TLE3: variants seen among roughly 807,000 people sequenced by gnomAD.
TLE3 encodes transducin-like enhancer protein 3.
TLE3 carries 14 observed loss-of-function variants against 93.0 expected under a neutral mutation model. The observed-to-expected ratio is 0.15, with a 90% confidence interval of 0.10 to 0.24. The LOEUF is 0.24. TLE3 is among the 10% of genes least tolerant of loss of function. TLE3 has a pLI of 1.00. For synonymous variants in TLE3, 451 were observed against 425.0 expected, an observed-to-expected ratio of 1.06 and a Z score of -0.75; for missense variants, 693 against 1,046.6, an observed-to-expected ratio of 0.66 and a Z score of 4.66.
intron 13 of TLE3, among the ~76,000 whole-genome samples, chr15:70,056,613 A>C (rs990463900): frequency 6.6e-6 from 1 of 152,164 alleles, no homozygotes; most frequent in African/African-American, 2.4e-5. Flanking sequence ...CCTGTTCTGC[A>C]AGGCAGAGCT....
In TLE3 at chr15:70,066,274, G is replaced by C. The variant is rs1261972041; in HGVS notation, c.373-56C>G. 4 of 1,409,434 alleles carry C rather than the reference G, an allele frequency of 2.8e-6. No individual in the cohort carries two copies. The Admixed American group carries it at 1.2e-4, about 42-fold the overall frequency. 87.3% of individuals were successfully genotyped at this position (1,409,434 alleles called of 1,614,324 possible). On this transcript the variant is annotated intron_variant, in intron 6 of 19. Coordinates refer to ENST00000451782, the MANE Select transcript of TLE3 (RefSeq NM_001105192.3). ...AGTTGGGGAGGGCAGGGGAGGCGTG[G>C]CCACCTCAGGAGGGAGGGAGGGAGT...
At chr15:70,080,292 G>A (rs969296445) in intron 4 of TLE3, among the ~76,000 whole-genome samples, 21 of 152,200 alleles carry the variant, frequency 1.4e-4, no homozygotes, top group African/African-American at 4.6e-4. Flanking sequence ...GAGAGGTGGT[G>A]GGAGGTGGGA....
At chr15:70,051,164 G>C (rs1234043044) in intron 19 of TLE3, 1 of 423,976 alleles carries the variant, frequency 2.4e-6, no homozygotes, top group Admixed American at 4.0e-5. Flanking sequence ...GCCCTCGGGG[G>C]TCAGAAGCCA....
chr15:70,059,266 CCT>C (rs1446504487), intron 10 of TLE3, 142 bp downstream of exon 10: 35 of 973,388 alleles, frequency 3.6e-5, no homozygotes, highest in East Asian at 8.2e-5. Context: ...CTCTTGACCC[CCT>C]GAGACCCCAA....
chr15:70,097,847 CCA>C lies in TLE3; in HGVS notation c.-1051_-1050del, dbSNP rs2058637425. The C allele has an allele frequency of 5.7e-6, 2 of 351,416 alleles. No individual in the cohort carries two copies. Among genetic ancestry groups the C allele is most frequent in the African/African-American group, 2.1e-5 (1 of 47,538 alleles). The allele number at this position is 351,416 out of a possible 1,614,324, so 21.8% of individuals were successfully genotyped here. ...AAAAAGTGCCCCGGACCTACGGATA[CCA>C]CACACAGACAGGCGAAGGGGACGAG... On this transcript the variant is annotated 5_prime_UTR_variant, in exon 1 of 20. Transcript: ENST00000451782.
At chr15:70,075,137 T>G (rs2057376209) in intron 5 of TLE3, among the ~76,000 whole-genome samples, 1 of 152,340 alleles carries the variant, frequency 6.6e-6, no homozygotes, top group East Asian at 1.9e-4. Flanking sequence ...ACAAAGTATG[T>G]TTCCAGATGA....
chr15:70,056,050 T>C (rs1230533014), intron 14 of TLE3: 2 of 582,724 alleles, frequency 3.4e-6, no homozygotes, highest in African/African-American at 3.7e-5. Flanking sequence ...AGTGGCCATG[T>C]ACTTAGCTAA....
rs532829329 is a variant in TLE3 at position 70,054,285 on chromosome 15, G to C, written c.1826+153C>G. The stretch of plus-strand genomic sequence containing the variant: ...CTCTGTCCCTCGCATAAGGCAGGCG[G>C]AGCTGTCTTTTCACCTGTGCATCCC... On this transcript the variant is annotated intron_variant, in intron 16 of 19. Coordinates refer to ENST00000451782, the MANE Select transcript of TLE3 (RefSeq NM_001105192.3). 2,056 of 1,104,148 alleles carry C rather than the reference G, an allele frequency of 1.9e-3. 9 individuals carry two copies. The highest frequency in any genetic ancestry group is 2.3e-3 in the Non-Finnish European group (1,797 of 789,122). 68.4% of individuals were successfully genotyped at this position (1,104,148 alleles called of 1,614,324 possible). A position where few individuals can be genotyped will look rare whatever the true frequency, so the allele number is the denominator to read the frequency against.
chr15:70,057,826 TTAGAGCTTG>T, intron 12 of TLE3, 168 bp from the exon 13 acceptor site: 2 of 886,516 alleles, frequency 2.3e-6, no homozygotes, highest in Non-Finnish European at 3.4e-6. Context: ...CCAAAGAAGC[TTAGAGCTTG>T]GCAGATGCAC....
chr15:70,058,206 G>T lies in TLE3; in HGVS notation c.1004C>A (p.Pro335Gln). The change falls in exon 12 of 20, where the codon CCA (proline) becomes CAA (glutamine). Residue 335 changes from proline to glutamine, a missense_variant. Coordinates refer to ENST00000451782, the MANE Select transcript of TLE3 (RefSeq NM_001105192.3). The surrounding 1 kb of genome is among the most constrained non-coding windows in gnomAD (Gnocchi z 4.1). ...DAPTPGTSTT[P>Q]GLRSMPGKPP... ...TTTACCCGGCATCGACCTGAGCCCT[G>T]GGGTCGTGCTGGTGCCTGGAGTTGG... The T allele has an allele frequency of 6.2e-7, 1 of 1,613,896 alleles. No homozygotes were observed. Among genetic ancestry groups the T allele is most frequent in the South Asian group, 1.1e-5 (1 of 91,056 alleles).
At chr15:70,082,679 C>T (rs1296087330) in intron 4 of TLE3, among the ~76,000 whole-genome samples, 1 of 152,236 alleles carries the variant, frequency 6.6e-6, no homozygotes, top group Non-Finnish European at 1.5e-5. Context: ...GGCCCAGCCC[C>T]CCTCAGCGTG....
At chr15:70,057,877 C>A (rs1350791044) in intron 12 of TLE3, 8 of 717,456 alleles carry the variant, frequency 1.1e-5, no homozygotes, top group Non-Finnish European at 1.8e-5. Context: ...GATATGGAGG[C>A]CCAAATGGGC....
chr15:70,096,003 A>T, intron 2 of TLE3, 158 bp downstream of exon 2: 1 of 913,996 alleles, frequency 1.1e-6, no homozygotes, highest in Non-Finnish European at 1.6e-6. Flanking sequence ...TAAAGGGTTA[A>T]GGCGGCGCGC....
At chr15:70,075,496 G>A (rs1264922940) in intron 5 of TLE3, among the ~76,000 whole-genome samples, 1 of 152,188 alleles carries the variant, frequency 6.6e-6, no homozygotes, top group Admixed American at 6.5e-5. Context: ...CCCTGAGGGA[G>A]CTGACATGGT....
chr15:70,055,484 A>C, intron 14 of TLE3, 186 bp from the exon 15 acceptor site: 1 of 669,710 alleles, frequency 1.5e-6, no homozygotes, highest in Non-Finnish European at 2.3e-6. Context: ...GACATGATTA[A>C]CAGACCAGCT....
intron 19 of TLE3, 157 bp from the exon 20 acceptor site, chr15:70,050,361 C>A (rs1366761277): frequency 5.3e-6 from 3 of 564,628 alleles, no homozygotes; most frequent in African/African-American, 2.0e-5. Context: ...GAGCACAGTG[C>A]GGTGAAGAGG....
chr15:70,055,864 A>T (rs996127367), intron 14 of TLE3: 2 of 264,604 alleles, frequency 7.6e-6, no homozygotes, highest in Non-Finnish European at 1.5e-5. Context: ...CTAGCAACCC[A>T]AGGAAGTGAA....
chr15:70,060,294 G>C (rs1012620872), intron 9 of TLE3, among the ~76,000 whole-genome samples: 1 of 152,132 alleles, frequency 6.6e-6, no homozygotes, highest in African/African-American at 2.4e-5. Flanking sequence ...ATGGAGGCTA[G>C]GACGACCTCC....
At chr15:70,051,959 G>C (rs565711081) in intron 18 of TLE3, among the ~76,000 whole-genome samples, 1 of 152,296 alleles carries the variant, frequency 6.6e-6, no homozygotes, top group East Asian at 1.9e-4. Flanking sequence ...CGACCAGAGA[G>C]AAAAATCCAC....
Sources: allele counts gnomAD v4.1 joint callset (sites outside exome capture counted in the v4.1 genomes callset), GRCh38; gene constraint gnomAD v4.1.1; non-coding constraint Gnocchi (gnomAD v3.1); transcripts MANE v1.5; gene names NCBI Gene and HGNC (gene_info 2026-07-23, HGNC 2026-07-21).